The following NHEJ1 variants were observed in gnomAD, a reference collection of about 807,000 sequenced individuals.
NHEJ1 encodes the protein non-homologous end joining factor 1, also known as non-homologous end-joining factor 1.
In NHEJ1, 22 loss-of-function variants were observed where a neutral mutation model predicts 39.4. The observed-to-expected ratio is 0.56, with a 90% CI of 0.40 to 0.80. The LOEUF (loss-of-function observed/expected upper bound fraction) is 0.80, where lower values mean the gene tolerates loss of function less well. NHEJ1 is among the 30% of genes least tolerant of loss of function. NHEJ1 has a pLI of 0.00. For synonymous variants in NHEJ1, 154 were observed against 135.6 expected (o/e 1.14, Z -0.94); for missense variants, 329 against 357.1 (o/e 0.92, Z 0.63).
At chr2:219,109,252 T>C (rs889815286) in intron 5 of NHEJ1, among the ~76,000 whole-genome samples, 2 of 152,170 alleles carry the variant, frequency 1.3e-5, no homozygotes, top group Non-Finnish European at 2.9e-5. Context: ...ATTCTGGTTA[T>C]TGGAGCCAGA....
At position 219,104,063 on chromosome 2, in the gene NHEJ1, T is replaced by G. The variant is rs533428966; in HGVS notation, c.589-25857A>C. Among the ~76,000 whole-genome samples, 16 of 152,312 alleles carry G rather than the reference T, an allele frequency of 1.1e-4. No homozygotes were observed. In the East Asian group the frequency reaches 2.3e-3, roughly 22 times the overall value. On this transcript the variant is annotated intron_variant, in intron 5 of 7. Transcript: ENST00000356853. ...TTTTTTTGGTTCTGGTTTTGTTTTT[T>G]TTTGTTTGTTTGTTTTGTTTTGTCT...
intron 5 of NHEJ1, among the ~76,000 whole-genome samples, chr2:219,078,886 C>G (rs1008045460): frequency 1.3e-5 from 2 of 152,144 alleles, no homozygotes; most frequent in Admixed American, 6.5e-5. Context: ...CACACACACA[C>G]AGTACATAAA....
rs752936625 is a variant in NHEJ1 at position 219,147,814 on chromosome 2, C to T, written c.391-19G>A. The T allele has an allele frequency of 7.4e-6, 12 of 1,613,704 alleles. No homozygotes were observed. The South Asian group carries it at 1.2e-4, about 16-fold the overall frequency. ...GGGAGACCTTTGAGGGAAGAGATAT[C>T]AATTAGCCAAAAGACTCTTATAAAG... On this transcript the variant is annotated intron_variant, in intron 3 of 7. Coordinates refer to ENST00000356853, the MANE Select transcript of NHEJ1 (RefSeq NM_024782.3).
Position 219,073,102 on chromosome 2 carries a change from G to A in NHEJ1, c.*3279C>T, listed in dbSNP as rs991173346. Among the ~76,000 whole-genome samples the A allele has an allele frequency of 2.0e-5, 3 of 152,184 alleles. No individual in the cohort carries two copies. Among genetic ancestry groups the A allele is most frequent in the South Asian group, 4.1e-4 (2 of 4,828 alleles). ...GCAGTAGGGCTGAGTATCAAGAGAT[G>A]TGAGCATCTCTCCTTCCCCCAGTGC... is the stretch of plus-strand genomic sequence containing the variant. On this transcript the variant is annotated 3_prime_UTR_variant, in exon 8 of 8. Transcript: ENST00000356853.
At chr2:219,156,674 T>C (rs554537328) in intron 3 of NHEJ1, among the ~76,000 whole-genome samples, 22 of 152,364 alleles carry the variant, frequency 1.4e-4, no homozygotes, top group African/African-American at 5.1e-4. Context: ...TTATTTTCAA[T>C]CTCAGTATTC....
At chr2:219,153,054 C>T (rs1410510274) in intron 3 of NHEJ1, among the ~76,000 whole-genome samples, 14 of 152,074 alleles carry the variant, frequency 9.2e-5, no homozygotes, top group Non-Finnish European at 1.3e-4. Context: ...CCGCCCGCCT[C>T]GGCCTCCCAA....
chr2:219,130,801 G>T (rs1949571086), intron 5 of NHEJ1, among the ~76,000 whole-genome samples: 2 of 152,314 alleles, frequency 1.3e-5, no homozygotes, highest in South Asian at 4.1e-4. Context: ...TTTAAATCCA[G>T]TGTGAGGCTG....
intron 5 of NHEJ1, among the ~76,000 whole-genome samples, chr2:219,081,713 C>T (rs1183315320): frequency 1.3e-5 from 2 of 152,130 alleles, no homozygotes; most frequent in Non-Finnish European, 2.9e-5. Context: ...AAGTGATTTG[C>T]TCTAACAGAA....
chr2:219,127,802 T>C (rs946024834), intron 5 of NHEJ1, among the ~76,000 whole-genome samples: 3 of 152,248 alleles, frequency 2.0e-5, no homozygotes, highest in Non-Finnish European at 4.4e-5. Context: ...AAACTGCAGT[T>C]TAAGGTTTAG....
intron 1 of NHEJ1, among the ~76,000 whole-genome samples, chr2:219,159,562 TGC>T (rs72364750): frequency 0.12 from 1,334 of 11,114 alleles, 142 homozygotes; most frequent in Non-Finnish European, 0.27. Flanking sequence ...CATATATATA[TGC>T]ATATATATAT....
At chr2:219,106,183 T>C (rs1036383756) in intron 5 of NHEJ1, among the ~76,000 whole-genome samples, 5 of 152,138 alleles carry the variant, frequency 3.3e-5, no homozygotes, top group African/African-American at 1.2e-4. Context: ...AGAGAAATGG[T>C]CTTTTTCTCT....
chr2:219,157,592 A>G lies in NHEJ1; in HGVS notation c.270T>C (p.Pro90=), dbSNP rs1559205342. 1 of 1,614,066 alleles carries G rather than the reference A, an allele frequency of 6.2e-7. No homozygotes were observed. Among genetic ancestry groups the G allele is most frequent in the Non-Finnish European group, 8.5e-7 (1 of 1,180,048 alleles). The change falls in exon 3 of 8, where the codon CCT becomes CCC. Residue 90 remains proline (P), a synonymous_variant. Transcript: ENST00000356853. ...AATCACAGGAGAAGGTAGCTTCGCTAGGGTGAGCAGCGTCCTTCAACAATG... is the reference window on the plus strand; with the variant it reads ...AATCACAGGAGAAGGTAGCTTCGCTGGGGTGAGCAGCGTCCTTCAACAATG... ...LRPLLKDAAH[P]SEATFSCDCV...
intron 5 of NHEJ1, among the ~76,000 whole-genome samples, chr2:219,146,438 T>G (rs1354694098): frequency 6.6e-6 from 1 of 152,238 alleles, no homozygotes; most frequent in East Asian, 1.9e-4. Context: ...CCTGGTACTT[T>G]AACAGAGATG....
At chr2:219,102,289 A>G (rs1949269056) in intron 5 of NHEJ1, 1 of 152,228 alleles carries the variant, frequency 6.6e-6, no homozygotes, top group African/African-American at 2.4e-5. Context: ...CCAATTCCTC[A>G]TACTCTAGTC....
rs1336917345 is a variant in NHEJ1, at chr2:219,071,429, A to G, written c.*4952T>C. 6.6e-6 allele frequency among the ~76,000 whole-genome samples: 1 copy of G among 152,206 alleles called. No homozygotes were observed. The highest frequency in any genetic ancestry group is 6.5e-5 in the Admixed American group (1 of 15,282). On this transcript the variant is annotated 3_prime_UTR_variant, in exon 8 of 8. Transcript: ENST00000356853. ...AATATTCTCGGTCTCTATTGTTTTG[A>G]GTGAGGCCCAATATTTCCACAGCAG... is the stretch of plus-strand genomic sequence containing the variant.
intron 3 of NHEJ1, among the ~76,000 whole-genome samples, chr2:219,152,667 GT>G (rs1183324580): frequency 6.6e-6 from 1 of 151,740 alleles, no homozygotes; most frequent in Admixed American, 6.6e-5. Context: ...GGGTTTCACT[GT>G]GTTGCCCAGG....
Position 219,115,306 on chromosome 2 carries a change from G to A in NHEJ1, c.588+31374C>T, listed in dbSNP as rs111593755. ...CCAGTTTTCAATTAGGGCCTAATTA[G>A]AAAGAAAAGTGGCCATGCTATTACA... On this transcript the variant is annotated intron_variant, in intron 5 of 7. Transcript: ENST00000356853. Among the ~76,000 whole-genome samples the A allele has an allele frequency of 3.2e-3, 484 of 152,306 alleles. 4 individuals are homozygous for A. Among genetic ancestry groups the A allele is most frequent in the African/African-American group, 0.01 (436 of 41,566 alleles).
At chr2:219,149,826 T>G (rs1949778517) in intron 3 of NHEJ1, among the ~76,000 whole-genome samples, 1 of 152,174 alleles carries the variant, frequency 6.6e-6, no homozygotes, top group Non-Finnish European at 1.5e-5. Flanking sequence ...CTGTTGCAAC[T>G]ACTGGACTCT....
At chr2:219,136,017 G>A (rs990521546) in intron 5 of NHEJ1, among the ~76,000 whole-genome samples, 20 of 152,074 alleles carry the variant, frequency 1.3e-4, no homozygotes, top group African/African-American at 3.9e-4. Flanking sequence ...GCATGATTTC[G>A]TTTTCCACAG....
Sources: allele counts gnomAD v4.1 joint callset (sites outside exome capture counted in the v4.1 genomes callset), GRCh38; gene constraint gnomAD v4.1.1; transcripts MANE v1.5; gene names NCBI Gene and HGNC (gene_info 2026-07-23, HGNC 2026-07-21).